ARHGAP24: variants seen among roughly 807,000 people sequenced by gnomAD.
ARHGAP24 encodes Rho GTPase activating protein 24.
In ARHGAP24, 50 loss-of-function variants were observed where a neutral mutation model predicts 76.4. The ratio of observed to expected loss-of-function variants is 0.65; its 90% confidence interval spans 0.52 to 0.83. The LOEUF is 0.83. Ranked by LOEUF, ARHGAP24 falls within the 40% of genes least tolerant of loss-of-function variation. The pLI is 0.00. For missense variants in ARHGAP24, 930 were observed against 914.2 expected (o/e 1.02, Z -0.22); for synonymous variants, 345 against 323.3 (o/e 1.07, Z -0.72).
Position 86,000,659 on chromosome 4 carries a change from G to C in ARHGAP24, c.2184G>C (p.Thr728=). The change falls in exon 10 of 10, where the codon ACG becomes ACC. Residue 728 remains threonine, a synonymous_variant. Transcript: ENST00000395184. ...LQKEMEQFFS[T]FGELTVEPRR... The stretch of plus-strand genomic sequence containing the variant: ...AAGAAATGGAGCAGTTTTTTTCCAC[G>C]TTTGGAGAACTGACAGTGGAACCCA... 3.1e-6 allele frequency: 5 copies of C among 1,613,864 alleles called. No homozygotes were observed. Among genetic ancestry groups the C allele is most frequent in the Non-Finnish European group, 4.2e-6 (5 of 1,179,934 alleles).
intron 7 of ARHGAP24, 92 bp downstream of exon 7, chr4:85,975,053 T>C: frequency 8.8e-7 from 1 of 1,138,396 alleles, no homozygotes; most frequent in East Asian, 2.4e-5. Context: ...ATCACTCAAC[T>C]ACTTCGAGCC....
intron 2 of ARHGAP24, among the ~76,000 whole-genome samples, chr4:85,691,932 A>G (rs1050340231): frequency 6.6e-6 from 1 of 152,082 alleles, no homozygotes; most frequent in Admixed American, 6.5e-5. Context: ...TCTGTGGGCT[A>G]TGTACTTAAT....
chr4:85,858,211 G>A (rs1731694356), intron 3 of ARHGAP24, among the ~76,000 whole-genome samples: 2 of 152,160 alleles, frequency 1.3e-5, no homozygotes, highest in Non-Finnish European at 2.9e-5. Flanking sequence ...GCTTAGAGGT[G>A]TGAGAGAAAC....
At chr4:85,490,729 T>G (rs1039824075) in intron 1 of ARHGAP24, among the ~76,000 whole-genome samples, 2 of 152,216 alleles carry the variant, frequency 1.3e-5, no homozygotes, top group Non-Finnish European at 2.9e-5. Context: ...GTCTATGAAT[T>G]TAGCACTTTT....
intron 2 of ARHGAP24, among the ~76,000 whole-genome samples, chr4:85,720,759 T>C (rs1724900489): frequency 6.6e-6 from 1 of 152,066 alleles, no homozygotes; most frequent in South Asian, 2.1e-4. Flanking sequence ...GCAAAAGACA[T>C]TCAGACAACA....
intron 4 of ARHGAP24, chr4:85,930,981 A>C (rs746134846): frequency 1.9e-6 from 3 of 1,614,120 alleles, no homozygotes; most frequent in Non-Finnish European, 1.7e-6. Flanking sequence ...CCTTAGCCTC[A>C]ACTCCTTTCA....
At chr4:85,854,412 A>G (rs1731439016) in intron 3 of ARHGAP24, among the ~76,000 whole-genome samples, 1 of 152,234 alleles carries the variant, frequency 6.6e-6, no homozygotes, top group African/African-American at 2.4e-5. Context: ...AAATAAAATG[A>G]TAATGAGTAA....
chr4:85,973,841 T>TTTTG (rs1560757315), intron 6 of ARHGAP24, among the ~76,000 whole-genome samples: 3 of 121,654 alleles, frequency 2.5e-5, no homozygotes, highest in African/African-American at 1.0e-4. Flanking sequence ...TTGTTTTTTT[T>TTTTG]TTTTTTTTTT....
At chr4:85,787,762 C>CT (rs1375254071) in intron 3 of ARHGAP24, among the ~76,000 whole-genome samples, 2 of 152,090 alleles carry the variant, frequency 1.3e-5, no homozygotes, top group Non-Finnish European at 2.9e-5. Context: ...TGGCAGGATC[C>CT]TAAGTGCTCC....
At chr4:85,593,230 C>G (rs1380969906) in intron 2 of ARHGAP24, among the ~76,000 whole-genome samples, 1 of 152,088 alleles carries the variant, frequency 6.6e-6, no homozygotes, top group African/African-American at 2.4e-5. Context: ...TTTCATATAA[C>G]TGTTTGCCAT....
chr4:85,612,464 T>C (rs913006431), intron 2 of ARHGAP24, among the ~76,000 whole-genome samples: 1 of 125,766 alleles, frequency 8.0e-6, no homozygotes, highest in African/African-American at 2.5e-5. Context: ...GACCAATGTA[T>C]AGCAAAAGCA....
chr4:85,598,058 C>T (rs1419335651), intron 2 of ARHGAP24, among the ~76,000 whole-genome samples: 1 of 151,928 alleles, frequency 6.6e-6, no homozygotes. Flanking sequence ...GGGATGGATA[C>T]GTTAAATTTT....
intron 2 of ARHGAP24, among the ~76,000 whole-genome samples, chr4:85,628,415 A>G (rs1337003764): frequency 6.6e-6 from 1 of 152,180 alleles, no homozygotes; most frequent in Non-Finnish European, 1.5e-5. Flanking sequence ...TCTATTGTGG[A>G]TAATGTTCCA....
At chr4:85,948,489 A>G (rs1378555094) in intron 5 of ARHGAP24, among the ~76,000 whole-genome samples, 1 of 152,172 alleles carries the variant, frequency 6.6e-6, no homozygotes. Flanking sequence ...TTGCTAATGT[A>G]GGGGAATGGA....
chr4:85,494,819 C>T (rs551977899), intron 1 of ARHGAP24, among the ~76,000 whole-genome samples: 1 of 151,712 alleles, frequency 6.6e-6, no homozygotes, highest in East Asian at 1.9e-4. Flanking sequence ...AGTGACCTGG[C>T]CGGGCGCGAT....
intron 2 of ARHGAP24, among the ~76,000 whole-genome samples, chr4:85,641,514 A>C (rs535940328): frequency 1.3e-5 from 2 of 152,072 alleles, no homozygotes; most frequent in Non-Finnish European, 2.9e-5. Flanking sequence ...TGCCTTGTAC[A>C]TGGCCATCTT....
intron 1 of ARHGAP24, among the ~76,000 whole-genome samples, chr4:85,479,880 G>C (rs978685451): frequency 6.6e-6 from 1 of 152,136 alleles, no homozygotes; most frequent in Non-Finnish European, 1.5e-5. Context: ...TACGTATTTT[G>C]ATCAAGAATT....
chr4:85,794,632 G>A (rs1250200092), intron 3 of ARHGAP24, among the ~76,000 whole-genome samples: 2 of 151,972 alleles, frequency 1.3e-5, no homozygotes, highest in Admixed American at 6.6e-5. Context: ...ACAGGCATGC[G>A]CCACCACACC....
intron 2 of ARHGAP24, among the ~76,000 whole-genome samples, chr4:85,651,485 T>A (rs1291249664): frequency 6.7e-6 from 1 of 149,180 alleles, no homozygotes; most frequent in Non-Finnish European, 1.5e-5. Flanking sequence ...AAGTTTTTCC[T>A]TTGCTGTACC....
Sources: allele counts gnomAD v4.1 joint callset (sites outside exome capture counted in the v4.1 genomes callset), GRCh38; gene constraint gnomAD v4.1.1; transcripts MANE v1.5; gene names NCBI Gene and HGNC (gene_info 2026-07-23, HGNC 2026-07-21).